The following BACH2 variants were observed in gnomAD, a reference collection of about 807,000 sequenced individuals.
BACH2 encodes transcription regulator protein BACH2.
Under a neutral mutation model 61.8 loss-of-function variants are expected in BACH2, and 5 were observed. That is an observed-to-expected ratio of 0.08 (90% confidence interval 0.04 to 0.17). BACH2 has a LOEUF of 0.17. Ranked by LOEUF, BACH2 falls within the 10% of genes least tolerant of loss-of-function variation. BACH2 has a pLI of 1.00. For missense variants in BACH2, 824 were observed against 1,091.1 expected, an observed-to-expected ratio of 0.76 and a Z score of 3.45; for synonymous variants, 446 against 440.1, an observed-to-expected ratio of 1.01 and a Z score of -0.17.
In BACH2 at chr6:90,262,303, T is replaced by G. The variant is rs543358903; in HGVS notation, c.-353+9546A>C. Among the ~76,000 whole-genome samples the G allele has an allele frequency of 8.5e-5, 13 of 152,346 alleles. No homozygotes were observed. In the South Asian group the frequency reaches 2.1e-3, roughly 24 times the overall value. On this transcript the variant is annotated intron_variant, in intron 2 of 8. Coordinates refer to ENST00000257749, the MANE Select transcript of BACH2 (RefSeq NM_021813.4). ...CCCTGCCCTAACTGGGGGAATCTAC[T>G]GTGCATTCTTTCAATGTTTGGTTTG...
In BACH2 at chr6:89,950,639, G is replaced by A; in HGVS notation, c.1467C>T (p.His489=). The A allele has an allele frequency of 6.2e-7, 1 of 1,614,110 alleles. No homozygotes were observed. The highest frequency in any genetic ancestry group is 1.3e-5 in the African/African-American group (1 of 75,054). The change falls in exon 7 of 9, where the codon CAC becomes CAT. Residue 489 remains histidine, a synonymous_variant. Transcript: ENST00000257749. The surrounding 1 kb of genome is among the most constrained non-coding windows in gnomAD (Gnocchi z 5.3). Reference sequence around the variant, plus strand: ...TGTTGGGCCGCATCCTTCCTGGCAAGTGGTCGGCCATCAGCCCACCGTGGG... The same window carrying A: ...TGTTGGGCCGCATCCTTCCTGGCAAATGGTCGGCCATCAGCCCACCGTGGG... ...AYSHGGLMAD[H]LPGRMRPNTS...
chr6:90,023,379 G>A (rs1314382713), intron 5 of BACH2, among the ~76,000 whole-genome samples: 2 of 152,060 alleles, frequency 1.3e-5, no homozygotes, highest in African/African-American at 2.4e-5. Context: ...TTTAAAAAGT[G>A]TGTGGCACTT....
At chr6:90,005,992 G>T (rs925511961) in intron 6 of BACH2, among the ~76,000 whole-genome samples, 3 of 152,148 alleles carry the variant, frequency 2.0e-5, no homozygotes, top group African/African-American at 7.2e-5. Context: ...ATTTTTGTGC[G>T]ATGTCTATAC....
chr6:90,250,685 TAATA>T lies in BACH2; in HGVS notation c.-275+1824_-275+1827del, dbSNP rs549370258. On this transcript the variant is annotated intron_variant, in intron 3 of 8. Coordinates refer to ENST00000257749, the MANE Select transcript of BACH2 (RefSeq NM_021813.4). ...TGAAGAAAAATGAGCTTTTAAAACA[TAATA>T]AACATTTCAGTTTTGCCAGATGAAA... Among the ~76,000 whole-genome samples, 392 of 152,310 alleles carry T rather than the reference TAATA, an allele frequency of 2.6e-3. 1 individual carries two copies. Among genetic ancestry groups the T allele is most frequent in the African/African-American group, 9.2e-3 (382 of 41,572 alleles).
At chr6:90,048,846 G>A (rs1318780722) in intron 5 of BACH2, among the ~76,000 whole-genome samples, 1 of 152,158 alleles carries the variant, frequency 6.6e-6, no homozygotes, top group Non-Finnish European at 1.5e-5. Context: ...GAAGCTGAAG[G>A]ATGTAAGTTA....
intron 3 of BACH2, among the ~76,000 whole-genome samples, chr6:90,213,005 T>C (rs1045405864): frequency 6.6e-6 from 1 of 152,174 alleles, no homozygotes; most frequent in Non-Finnish European, 1.5e-5. Context: ...AATCGCAGTC[T>C]CCAGTGATTT....
At chr6:90,093,900 A>AC (rs1231993340) in intron 4 of BACH2, among the ~76,000 whole-genome samples, 4 of 152,214 alleles carry the variant, frequency 2.6e-5, no homozygotes, top group Admixed American at 2.6e-4. Flanking sequence ...TGGTAATGCT[A>AC]CACTAAGCAT....
chr6:89,974,549 A>G (rs1200862227), intron 6 of BACH2, among the ~76,000 whole-genome samples: 1 of 152,206 alleles, frequency 6.6e-6, no homozygotes, highest in African/African-American at 2.4e-5. Context: ...TGATGTCCTC[A>G]CACGTTCCAT....
intron 4 of BACH2, chr6:90,116,852 G>A (rs1262438261): frequency 9.8e-6 from 6 of 614,466 alleles, no homozygotes; most frequent in Non-Finnish European, 1.5e-5. Flanking sequence ...TCTGGAGCAC[G>A]CTTTGATATT....
chr6:90,170,071 A>C (rs1281699846), intron 4 of BACH2, among the ~76,000 whole-genome samples: 1 of 152,180 alleles, frequency 6.6e-6, no homozygotes, highest in Non-Finnish European at 1.5e-5. Flanking sequence ...GGAATTATAA[A>C]ACACTTTTTT....
intron 2 of BACH2, among the ~76,000 whole-genome samples, chr6:90,259,219 C>T (rs1400215385): frequency 1.3e-5 from 2 of 152,088 alleles, no homozygotes; most frequent in Non-Finnish European, 2.9e-5. Flanking sequence ...TCATAAATGG[C>T]CTTTATTACA....
chr6:90,138,643 A>G (rs1023101328), intron 4 of BACH2, among the ~76,000 whole-genome samples: 11 of 152,238 alleles, frequency 7.2e-5, no homozygotes, highest in African/African-American at 2.7e-4. Flanking sequence ...TGACAAGCCA[A>G]TATGAATTAC....
At chr6:89,971,194 G>A (rs368264644) in intron 6 of BACH2, among the ~76,000 whole-genome samples, 1 of 152,124 alleles carries the variant, frequency 6.6e-6, no homozygotes, top group Admixed American at 6.5e-5. Context: ...TGCGTCAGAC[G>A]ACAAGCATGC....
chr6:90,134,796 T>A (rs1041731863), intron 4 of BACH2, among the ~76,000 whole-genome samples: 5 of 152,336 alleles, frequency 3.3e-5, no homozygotes, highest in Admixed American at 6.5e-5. Flanking sequence ...TGGCATGTGC[T>A]TTGGTCAGGG....
intron 5 of BACH2, among the ~76,000 whole-genome samples, chr6:90,087,978 T>A (rs1782006819): frequency 7.4e-6 from 1 of 135,150 alleles, no homozygotes; most frequent in Non-Finnish European, 1.5e-5. Context: ...ATTCTTTCTA[T>A]TTTTTTTTTT....
intron 4 of BACH2, among the ~76,000 whole-genome samples, chr6:90,169,036 A>G (rs373715488): frequency 2.0e-5 from 3 of 152,300 alleles, no homozygotes; most frequent in East Asian, 3.9e-4. Context: ...TTAATGATGG[A>G]AAGTATCTGT....
chr6:90,289,464 T>C (rs1772117074), intron 1 of BACH2, among the ~76,000 whole-genome samples: 1 of 152,184 alleles, frequency 6.6e-6, no homozygotes, highest in Admixed American at 6.5e-5. Flanking sequence ...GGTGTTAGCA[T>C]GAAGTATAAT....
chr6:90,209,116 TG>T (rs2127850621), intron 3 of BACH2, among the ~76,000 whole-genome samples: 1 of 152,144 alleles, frequency 6.6e-6, no homozygotes, highest in East Asian at 1.9e-4. Context: ...GATGAGTTGA[TG>T]GGTGCAGCAA....
chr6:90,059,717 T>A (rs942058455), intron 5 of BACH2, among the ~76,000 whole-genome samples: 3 of 151,760 alleles, frequency 2.0e-5, no homozygotes, highest in South Asian at 2.1e-4. Flanking sequence ...AAAGACTTGG[T>A]ACCAACCCAA....
Sources: gnomAD v4.1 joint callset for allele counts (sites outside exome capture counted in the v4.1 genomes callset) on GRCh38, gnomAD v4.1.1 for gene constraint, Gnocchi (gnomAD v3.1) non-coding constraint, MANE v1.5 for transcripts, NCBI Gene and HGNC (gene_info 2026-07-23, HGNC 2026-07-21) for gene names.